HTR3B: variants seen among roughly 807,000 people sequenced by gnomAD.
The protein encoded by HTR3B is 5-hydroxytryptamine (serotonin) receptor 3B, ionotropic.
In HTR3B, 44 loss-of-function variants were observed where a neutral mutation model predicts 42.8. That is an observed-to-expected ratio of 1.03 (90% confidence interval 0.81 to 1.32). The LOEUF (loss-of-function observed/expected upper bound fraction) is 1.32, where lower values mean the gene tolerates loss of function less well. Among genes scored for constraint, HTR3B ranks in the 40% most tolerant of loss-of-function variants. HTR3B has a pLI of 0.00. For synonymous variants in HTR3B, 203 were observed against 209.0 expected (o/e 0.97, Z 0.25); for missense variants, 527 against 536.5 (o/e 0.98, Z 0.17).
intron 2 of HTR3B, among the ~76,000 whole-genome samples, chr11:113,930,936 C>G (rs942100546): frequency 6.6e-6 from 1 of 152,046 alleles, no homozygotes; most frequent in African/African-American, 2.4e-5. Context: ...GCAGAGAAAT[C>G]CAAACATACG....
intron 2 of HTR3B, among the ~76,000 whole-genome samples, chr11:113,919,596 A>G (rs1229497670): frequency 6.6e-6 from 1 of 152,178 alleles, no homozygotes; most frequent in Non-Finnish European, 1.5e-5. Context: ...TGGGAGGCCG[A>G]GGCAGGTGGA....
chr11:113,917,210 G>A (rs574597609), intron 2 of HTR3B, among the ~76,000 whole-genome samples: 1 of 150,598 alleles, frequency 6.6e-6, no homozygotes, highest in South Asian at 2.1e-4. Context: ...TCAGCTCGCT[G>A]TAAACTCCGC....
At position 113,936,613 on chromosome 11, in the gene HTR3B, G is replaced by A. The variant is rs150396300; in HGVS notation, c.696+3520G>A. ...GATATCCTTTCTGGGTCACTCAAGT[G>A]ATGTGGGAATCACAGACTGACTTTC... On this transcript the variant is annotated intron_variant, in intron 6 of 8. Coordinates refer to ENST00000260191, the MANE Select transcript of HTR3B (RefSeq NM_006028.5). Among the ~76,000 whole-genome samples the A allele has an allele frequency of 1.7e-3, 253 of 152,278 alleles. 1 individual carries two copies. The highest frequency in any genetic ancestry group is 5.8e-3 in the African/African-American group (241 of 41,560).
chr11:113,922,950 T>C (rs954603793), intron 2 of HTR3B, among the ~76,000 whole-genome samples: 1 of 152,266 alleles, frequency 6.6e-6, no homozygotes, highest in South Asian at 2.1e-4. Flanking sequence ...TTCTTACTCA[T>C]ATTCATATTT....
At chr11:113,909,772 C>T (rs1729492970) in intron 2 of HTR3B, among the ~76,000 whole-genome samples, 1 of 152,028 alleles carries the variant, frequency 6.6e-6, no homozygotes, top group South Asian at 2.1e-4. Context: ...CACTTGAGCA[C>T]ACGAGTTGGA....
At chr11:113,934,457 G>GAAAGAAAGAAAGAAA (rs1218165306) in intron 6 of HTR3B, among the ~76,000 whole-genome samples, 4 of 151,494 alleles carry the variant, frequency 2.6e-5, no homozygotes, top group Non-Finnish European at 2.9e-5. Context: ...AAGAAAGAAG[G>GAAAGAAAGAAAGAAA]AAAGAAAGAA....
At chr11:113,914,612 A>G (rs1949833475) in intron 2 of HTR3B, among the ~76,000 whole-genome samples, 1 of 151,670 alleles carries the variant, frequency 6.6e-6, no homozygotes, top group South Asian at 2.1e-4. Context: ...CCTCCCAAGT[A>G]GCTGAGATTA....
intron 7 of HTR3B, 84 bp from the exon 8 acceptor site, chr11:113,944,489 A>G (rs1258290709): frequency 7.5e-7 from 1 of 1,337,106 alleles, no homozygotes; most frequent in East Asian, 2.3e-5. Flanking sequence ...CAATAGAGCA[A>G]GACCCTGTCC....
intron 2 of HTR3B, among the ~76,000 whole-genome samples, chr11:113,930,864 C>T (rs1392240118): frequency 5.9e-5 from 9 of 152,080 alleles, no homozygotes; most frequent in South Asian, 4.1e-4. Flanking sequence ...TGGGAAATCA[C>T]GTCTATTATA....
chr11:113,923,000 T>C (rs767178453), intron 2 of HTR3B, among the ~76,000 whole-genome samples: 10 of 152,230 alleles, frequency 6.6e-5, no homozygotes, highest in Admixed American at 5.9e-4. Context: ...TTCCAAGATA[T>C]TGGATTGATA....
chr11:113,934,665 C>T (rs1448193705), intron 6 of HTR3B, among the ~76,000 whole-genome samples: 1 of 151,780 alleles, frequency 6.6e-6, no homozygotes, highest in African/African-American at 2.4e-5. Context: ...GCTTTGGGCT[C>T]TTGCCTAGAA....
intron 2 of HTR3B, among the ~76,000 whole-genome samples, chr11:113,910,042 T>C (rs1010757711): frequency 1.3e-5 from 2 of 148,634 alleles, no homozygotes; most frequent in Non-Finnish European, 3.0e-5. Flanking sequence ...ACATATTGTA[T>C]GAATATTGCT....
At chr11:113,921,169 C>T (rs1467448727) in intron 2 of HTR3B, among the ~76,000 whole-genome samples, 2 of 149,188 alleles carry the variant, frequency 1.3e-5, no homozygotes, top group Non-Finnish European at 3.0e-5. Flanking sequence ...TTTTTTGAGT[C>T]AGAGTCTCAC....
intron 2 of HTR3B, among the ~76,000 whole-genome samples, chr11:113,925,944 G>A (rs1199910768): frequency 6.6e-6 from 1 of 152,028 alleles, no homozygotes; most frequent in Non-Finnish European, 1.5e-5. Flanking sequence ...ATTCAGTTAT[G>A]CAACCATCAC....
chr11:113,916,096 C>T (rs574841635), intron 2 of HTR3B, among the ~76,000 whole-genome samples: 67 of 152,296 alleles, frequency 4.4e-4, no homozygotes, highest in African/African-American at 1.0e-3. Context: ...CTCGGGCTTC[C>T]GAAGTAGTGG....
chr11:113,939,471 T>C lies in HTR3B; in HGVS notation c.697-3511T>C, dbSNP rs918258723. ...AGCAGGCTCTGTGTGACTACATAGG[T>C]TCATATCCACAAAGCCTGCCTACCT... On this transcript the variant is annotated intron_variant, in intron 6 of 8. Coordinates refer to ENST00000260191, the MANE Select transcript of HTR3B (RefSeq NM_006028.5). Among the ~76,000 whole-genome samples the C allele has an allele frequency of 2.0e-5, 3 of 152,036 alleles. No homozygotes were observed. In the East Asian group the frequency reaches 5.8e-4, roughly 29 times the overall value.
At chr11:113,942,402 T>A (rs1008550167) in intron 6 of HTR3B, among the ~76,000 whole-genome samples, 2 of 152,150 alleles carry the variant, frequency 1.3e-5, no homozygotes, top group African/African-American at 4.8e-5. Context: ...AGGTGGAGGT[T>A]GAGCTGAGAT....
chr11:113,909,372 C>T lies in HTR3B; in HGVS notation c.130C>T (p.His44Tyr). 1 of 1,613,492 alleles carries T rather than the reference C, an allele frequency of 6.2e-7. No homozygotes were observed. The highest frequency in any genetic ancestry group is 8.5e-7 in the Non-Finnish European group (1 of 1,179,412). The change falls in exon 2 of 9, where the codon CAT (histidine) becomes TAT (tyrosine). Residue 44 changes from histidine (H) to tyrosine (Y), a missense_variant. Coordinates refer to ENST00000260191, the MANE Select transcript of HTR3B (RefSeq NM_006028.5). ...CAGCAAGCAGCTATTACAGAAATAT[C>T]ATAAAGAAGTGAGACCTGTTTACAA... is the stretch of plus-strand genomic sequence containing the variant. ...HLSKQLLQKYHKEVRPVYNWT... is the reference protein window; with the variant it reads ...HLSKQLLQKYYKEVRPVYNWT...
chr11:113,937,486 T>C (rs1950100631), intron 6 of HTR3B, among the ~76,000 whole-genome samples: 1 of 152,184 alleles, frequency 6.6e-6, no homozygotes, highest in African/African-American at 2.4e-5. Flanking sequence ...GGAGACATAA[T>C]AGCAATAACC....
Sources: gnomAD v4.1 joint callset for allele counts (sites outside exome capture counted in the v4.1 genomes callset) on GRCh38, gnomAD v4.1.1 for gene constraint, MANE v1.5 for transcripts, NCBI Gene and HGNC (gene_info 2026-07-23, HGNC 2026-07-21) for gene names.